CDH12: variants seen among roughly 807,000 people sequenced by gnomAD.
CDH12 encodes the protein cadherin-12.
CDH12 carries 41 observed loss-of-function variants against 74.1 expected under a neutral mutation model. The observed-to-expected ratio is 0.55, with a 90% CI of 0.43 to 0.72. The LOEUF is 0.72. Among genes scored for constraint, CDH12 ranks in the 30% least tolerant of loss-of-function variants. The pLI, the probability that CDH12 is intolerant of heterozygous loss-of-function variation, is 0.00. For synonymous variants in CDH12, 399 were observed against 355.0 expected, an observed-to-expected ratio of 1.12 and a Z score of -1.39; for missense variants, 945 against 977.2, an observed-to-expected ratio of 0.97 and a Z score of 0.44.
At chr5:22,070,745 A>G (rs1741884555) in intron 5 of CDH12, among the ~76,000 whole-genome samples, 1 of 152,332 alleles carries the variant, frequency 6.6e-6, no homozygotes, top group Middle Eastern at 3.4e-3. Flanking sequence ...GAAGAATGTC[A>G]ATGGTAGTTT....
rs1746588417 is a variant in CDH12 at position 21,792,995 on chromosome 5, T to C, written c.1256+9172A>G. On this transcript the variant is annotated intron_variant, in intron 10 of 14. Coordinates refer to ENST00000382254, the MANE Select transcript of CDH12 (RefSeq NM_004061.5). ...GTGCAGTAAACGTTGATATCTGATATCTTCTGCTTAGAAGTATCTTTGACT... is the reference window on the plus strand; with the variant it reads ...GTGCAGTAAACGTTGATATCTGATACCTTCTGCTTAGAAGTATCTTTGACT... 2.6e-5 allele frequency among the ~76,000 whole-genome samples: 4 copies of C among 151,838 alleles called. No homozygotes were observed. The South Asian group carries it at 8.3e-4, about 31-fold the overall frequency.
At chr5:21,987,865 T>C (rs1446780022) in intron 5 of CDH12, among the ~76,000 whole-genome samples, 1 of 152,074 alleles carries the variant, frequency 6.6e-6, no homozygotes, top group African/African-American at 2.4e-5. Flanking sequence ...CAATATTCAG[T>C]GCATTGGTTT....
chr5:22,270,822 C>T (rs1235642916), intron 3 of CDH12, among the ~76,000 whole-genome samples: 1 of 151,778 alleles, frequency 6.6e-6, no homozygotes, highest in African/African-American at 2.4e-5. Flanking sequence ...CAGGTGCCTG[C>T]TACTACGAAG....
chr5:22,303,377 T>A (rs1194194693), intron 3 of CDH12, among the ~76,000 whole-genome samples: 1 of 152,100 alleles, frequency 6.6e-6, no homozygotes, highest in Non-Finnish European at 1.5e-5. Flanking sequence ...GATTACATCA[T>A]TAAACAACAA....
rs575917290 is a variant in CDH12, at chr5:21,949,982, TACTC to T, written c.526+25105_526+25108del. Among the ~76,000 whole-genome samples the T allele has an allele frequency of 2.3e-4, 35 of 152,350 alleles. 2 individuals are homozygous for T. The South Asian group carries it at 7.3e-3, about 32-fold the overall frequency. ...TAGGCATTTACGCTCACTCACCACT[TACTC>T]ACTAACTCTCCCAGAGCAACTCCTA... is the stretch of plus-strand genomic sequence containing the variant. On this transcript the variant is annotated intron_variant, in intron 6 of 14. Coordinates refer to ENST00000382254, the MANE Select transcript of CDH12 (RefSeq NM_004061.5).
chr5:22,132,611 G>C (rs1032236329), intron 4 of CDH12, among the ~76,000 whole-genome samples: 6 of 151,972 alleles, frequency 3.9e-5, no homozygotes, highest in African/African-American at 1.5e-4. Flanking sequence ...ACAACTAATA[G>C]TCAATTTCCA....
At chr5:22,245,180 G>C (rs1752904104) in intron 3 of CDH12, among the ~76,000 whole-genome samples, 1 of 152,178 alleles carries the variant, frequency 6.6e-6, no homozygotes, top group Admixed American at 6.5e-5. Flanking sequence ...TCGAGTGTTT[G>C]AAAAGACGAA....
rs774297849 is a variant in CDH12 at position 21,765,097 on chromosome 5, T to A, written c.1396A>T (p.Asn466Tyr). The change falls in exon 12 of 15, where the codon AAC becomes TAC. Residue 466 changes from asparagine to tyrosine, a missense_variant and splice_region_variant. Transcript: ENST00000382254. ...NFSIIASKVS[N>Y]PLLTSKVNIL... ...TTGACTTTGCTGGTCAATAAAGGGT[T>A]ACCTGTTAAAAACATATAAAGATAA... The A allele has an allele frequency of 6.4e-7, 1 of 1,569,764 alleles. No homozygotes were observed. Among genetic ancestry groups the A allele is most frequent in the South Asian group, 1.2e-5 (1 of 84,028 alleles).
At chr5:22,781,591 T>C (rs1410518063) in intron 1 of CDH12, among the ~76,000 whole-genome samples, 1 of 152,178 alleles carries the variant, frequency 6.6e-6, no homozygotes, top group Non-Finnish European at 1.5e-5. Flanking sequence ...TTGTTAGCTG[T>C]TATTCTCAGC....
At chr5:22,269,120 G>C (rs186057228) in intron 3 of CDH12, among the ~76,000 whole-genome samples, 2 of 152,182 alleles carry the variant, frequency 1.3e-5, no homozygotes, top group African/African-American at 4.8e-5. Context: ...TGAGAGTATG[G>C]AGGAATTATT....
chr5:22,831,200 CTT>C (rs923373566), intron 1 of CDH12, among the ~76,000 whole-genome samples: 2 of 151,766 alleles, frequency 1.3e-5, no homozygotes, highest in Non-Finnish European at 2.9e-5. Context: ...AAAGAAAAAA[CTT>C]TTTTGGAGGA....
rs1402469060 is a variant in CDH12, at chr5:22,699,021, T to C, written c.-523+154037A>G. Among the ~76,000 whole-genome samples, 5 of 151,924 alleles carry C rather than the reference T, an allele frequency of 3.3e-5. 1 individual carries two copies. The highest frequency in any genetic ancestry group is 7.4e-5 in the Non-Finnish European group (5 of 67,992). On this transcript the variant is annotated intron_variant, in intron 1 of 14. Coordinates refer to ENST00000382254, the MANE Select transcript of CDH12 (RefSeq NM_004061.5). ...CATAAGAATTTACTGATCTGAAAAGTAATTTGGTGAATTACCTCTACAACA... is the reference window on the plus strand; with the variant it reads ...CATAAGAATTTACTGATCTGAAAAGCAATTTGGTGAATTACCTCTACAACA...
At chr5:22,357,309 T>C (rs892866102) in intron 3 of CDH12, among the ~76,000 whole-genome samples, 2 of 152,142 alleles carry the variant, frequency 1.3e-5, no homozygotes, top group African/African-American at 4.8e-5. Context: ...ATATGTCTGT[T>C]TCTATCCAGG....
chr5:22,458,810 A>C (rs1255674058), intron 2 of CDH12, among the ~76,000 whole-genome samples: 2 of 152,102 alleles, frequency 1.3e-5, no homozygotes, highest in African/African-American at 4.8e-5. Context: ...TGTTTCTTTT[A>C]CTCGATTTCA....
intron 8 of CDH12, among the ~76,000 whole-genome samples, chr5:21,828,838 T>C (rs867394249): frequency 6.6e-6 from 1 of 152,268 alleles, no homozygotes; most frequent in South Asian, 2.1e-4. Flanking sequence ...TTGATGATTT[T>C]TTTTTCCTTT....
Position 22,380,765 on chromosome 5 carries a change from T to C in CDH12, c.-333+24492A>G, listed in dbSNP as rs1256299574. 2.6e-5 allele frequency among the ~76,000 whole-genome samples: 4 copies of C among 152,140 alleles called. No homozygotes were observed. The East Asian group carries it at 7.7e-4, about 29-fold the overall frequency. ...TTCTGTGATTTTGAAAATGTTTTAA[T>C]AAGAATGCACACATAACATAAAGCT... On this transcript the variant is annotated intron_variant, in intron 3 of 14. Coordinates refer to ENST00000382254, the MANE Select transcript of CDH12 (RefSeq NM_004061.5).
chr5:21,959,752 CAAAAAAAAAAAAAA>C (rs1176227757), intron 6 of CDH12, among the ~76,000 whole-genome samples: 1,471 of 80,860 alleles, frequency 0.018, 41 homozygotes, highest in African/African-American at 0.063. Context: ...TACTAAAATC[CAAAAAAAAAAAAAA>C]AAAAAAAAAA....
intron 3 of CDH12, among the ~76,000 whole-genome samples, chr5:22,392,319 T>C (rs1255083007): frequency 6.6e-6 from 1 of 152,122 alleles, no homozygotes; most frequent in African/African-American, 2.4e-5. Context: ...TTACATCCCA[T>C]CCACCAATCT....
intron 3 of CDH12, among the ~76,000 whole-genome samples, chr5:22,248,806 C>G (rs1753042372): frequency 6.6e-6 from 1 of 152,050 alleles, no homozygotes. Context: ...TGTACTCTCT[C>G]ACTTATCATA....
Sources: allele counts gnomAD v4.1 joint callset (sites outside exome capture counted in the v4.1 genomes callset), GRCh38; gene constraint gnomAD v4.1.1; transcripts MANE v1.5; gene names NCBI Gene and HGNC (gene_info 2026-07-23, HGNC 2026-07-21).